Variants in HMCN1 observed in about 807,000 individuals in gnomAD.
The protein encoded by HMCN1 is hemicentin-1.
In HMCN1, 321 loss-of-function variants were observed where a neutral mutation model predicts 625.9. The observed-to-expected ratio is 0.51, with a 90% confidence interval of 0.47 to 0.56. The LOEUF is 0.56. HMCN1 is among the 20% of genes least tolerant of loss of function. HMCN1 has a pLI of 0.00. For synonymous variants in HMCN1, 2,425 were observed against 2,417.6 expected (o/e 1.00, Z -0.09); for missense variants, 6,588 against 6,887.3 (o/e 0.96, Z 1.54).
At chr1:185,850,131 A>G (rs1662076353) in intron 2 of HMCN1, among the ~76,000 whole-genome samples, 1 of 152,210 alleles carries the variant, frequency 6.6e-6, no homozygotes, top group African/African-American at 2.4e-5. Context: ...CTGGAAGATA[A>G]ACCAGTGTCT....
chr1:186,042,449 T>C (rs889225385), intron 40 of HMCN1, among the ~76,000 whole-genome samples: 8 of 152,150 alleles, frequency 5.3e-5, no homozygotes, highest in African/African-American at 1.7e-4. Flanking sequence ...AAATCTGAGA[T>C]GGACTCCTTA....
At chr1:186,171,243 C>A in intron 100 of HMCN1, 94 bp from the exon 101 acceptor site, 2 of 899,258 alleles carry the variant, frequency 2.2e-6, no homozygotes, top group Non-Finnish European at 1.8e-6. Flanking sequence ...AGATCTTAAA[C>A]ATGGTAATGA....
At chr1:186,108,403 T>C in intron 70 of HMCN1, 58 bp from the exon 71 acceptor site, 1 of 1,612,920 alleles carries the variant, frequency 6.2e-7, no homozygotes, top group South Asian at 1.1e-5. Context: ...AGAACCAACA[T>C]TTTTTGGATA....
rs765122544 is a variant in HMCN1 at position 186,017,083 on chromosome 1, G to A, written c.5300+12G>A. ...CCACCAACTATCATGTAAGGGTTTT[G>A]GTATGTCTTCTAAATACCTCCTGCT... On this transcript the variant is annotated intron_variant, in intron 33 of 106. Transcript: ENST00000271588. 1.4e-6 allele frequency: 2 copies of A among 1,424,680 alleles called. No homozygotes were observed. Among genetic ancestry groups the A allele is most frequent in the Non-Finnish European group, 2.0e-6 (2 of 1,007,680 alleles). 88.3% of individuals were successfully genotyped at this position (1,424,680 alleles called of 1,614,324 possible).
At chr1:185,994,407 C>T (rs1407447171) in intron 23 of HMCN1, among the ~76,000 whole-genome samples, 1 of 152,134 alleles carries the variant, frequency 6.6e-6, no homozygotes, top group Non-Finnish European at 1.5e-5. Context: ...AAACTGAGTA[C>T]ATGGAGAGAA....
chr1:186,152,624 ATCATCTATACTTAT>A, intron 95 of HMCN1, 112 bp from the exon 96 acceptor site: 2 of 1,110,198 alleles, frequency 1.8e-6, no homozygotes, highest in Non-Finnish European at 2.7e-6. Flanking sequence ...TTCAGTTCTC[ATCATCTATACTTAT>A]TCAAGTTTGA....
Position 186,117,052 on chromosome 1 carries a change from T to C in HMCN1, c.11620T>C (p.Tyr3874His). The C allele has an allele frequency of 6.2e-7, 1 of 1,613,540 alleles. No individual in the cohort carries two copies. The highest frequency in any genetic ancestry group is 1.1e-5 in the South Asian group (1 of 91,076). ...CCCTTCTGTGGATGACACTGCAACCTATGAATGTACTGTGACAAACGGTGC... is the reference window on the plus strand; with the variant it reads ...CCCTTCTGTGGATGACACTGCAACCCATGAATGTACTGTGACAAACGGTGC... ...ISPSVDDTATYECTVTNGAGD... is the reference protein window; with the variant it reads ...ISPSVDDTATHECTVTNGAGD... The change falls in exon 76 of 107, where the codon TAT becomes CAT. Residue 3874 changes from tyrosine (Y) to histidine (H), a missense_variant. Transcript: ENST00000271588.
intron 30 of HMCN1, among the ~76,000 whole-genome samples, chr1:186,009,062 C>T (rs1407313553): frequency 6.6e-6 from 1 of 152,180 alleles, no homozygotes; most frequent in Admixed American, 6.5e-5. Flanking sequence ...ACTATACAAG[C>T]ATCCAAGTTA....
chr1:186,140,292 T>A (rs1649873250), intron 89 of HMCN1, among the ~76,000 whole-genome samples: 1 of 152,166 alleles, frequency 6.6e-6, no homozygotes, highest in South Asian at 2.1e-4. Context: ...GTCCCTTTGG[T>A]CTCTTTTAAT....
chr1:186,182,062 CAAG>C lies in HMCN1; in HGVS notation c.16295-102_16295-100del, dbSNP rs1274707859. 12 of 1,266,898 alleles carry C rather than the reference CAAG, an allele frequency of 9.5e-6. No individual in the cohort carries two copies. The African/African-American group carries it at 1.0e-4, about 11-fold the overall frequency. The allele number at this position is 1,266,898 out of a possible 1,614,324, so 78.5% of individuals were successfully genotyped here. A position where few individuals can be genotyped will look rare whatever the true frequency, so the allele number is the denominator to read the frequency against. On this transcript the variant is annotated intron_variant, in intron 104 of 106. Coordinates refer to ENST00000271588, the MANE Select transcript of HMCN1 (RefSeq NM_031935.3). ...TTTTAACACATGAGTATAAAATCACCAAGAAGTTTTTCTAATGTATATCAACAA... is the reference window on the plus strand; with the variant it reads ...TTTTAACACATGAGTATAAAATCACCAAGTTTTTCTAATGTATATCAACAA...
At chr1:185,914,236 C>T (rs1011678924) in intron 6 of HMCN1, among the ~76,000 whole-genome samples, 1 of 152,034 alleles carries the variant, frequency 6.6e-6, no homozygotes, top group Non-Finnish European at 1.5e-5. Flanking sequence ...TAAAATATTG[C>T]TGTTGACTTT....
chr1:185,785,646 G>A (rs1415778853), intron 1 of HMCN1, among the ~76,000 whole-genome samples: 1 of 152,030 alleles, frequency 6.6e-6, no homozygotes, highest in African/African-American at 2.4e-5. Context: ...ATCAAATTTG[G>A]CTTCGTTCTG....
chr1:185,973,963 A>G (rs1057452014), intron 15 of HMCN1, among the ~76,000 whole-genome samples: 3 of 152,188 alleles, frequency 2.0e-5, no homozygotes, highest in Non-Finnish European at 2.9e-5. Context: ...GAGTCACCAC[A>G]TGGAGTATAT....
chr1:185,912,677 C>T (rs553977957), intron 6 of HMCN1, among the ~76,000 whole-genome samples: 1 of 152,018 alleles, frequency 6.6e-6, no homozygotes, highest in Admixed American at 6.6e-5. Context: ...GAATTAACAC[C>T]CCTCGGGAGC....
At chr1:186,114,358 T>C (rs1434224902) in intron 73 of HMCN1, among the ~76,000 whole-genome samples, 1 of 152,016 alleles carries the variant, frequency 6.6e-6, no homozygotes, top group Non-Finnish European at 1.5e-5. Flanking sequence ...CTGGGTTCAA[T>C]TGATTCTCCT....
intron 11 of HMCN1, among the ~76,000 whole-genome samples, chr1:185,946,576 A>G (rs1283289458): frequency 3.9e-5 from 6 of 152,230 alleles, no homozygotes; most frequent in African/African-American, 7.2e-5. Flanking sequence ...CAGATGCAGT[A>G]AAGAAAAGGC....
chr1:185,842,667 G>T (rs574963577), intron 1 of HMCN1, among the ~76,000 whole-genome samples: 3 of 152,028 alleles, frequency 2.0e-5, no homozygotes, highest in Admixed American at 6.6e-5. Flanking sequence ...GGAGGTCAAG[G>T]CCGCAGTAAG....
intron 19 of HMCN1, among the ~76,000 whole-genome samples, chr1:185,985,613 AT>A (rs1489638214): frequency 1.3e-5 from 2 of 152,214 alleles, no homozygotes; most frequent in Non-Finnish European, 2.9e-5. Flanking sequence ...CACAAAATTC[AT>A]TTGTCCATTT....
chr1:186,092,217 G>C (rs940285519), intron 64 of HMCN1, among the ~76,000 whole-genome samples: 2 of 151,596 alleles, frequency 1.3e-5, no homozygotes, highest in African/African-American at 4.8e-5. Flanking sequence ...TTTGTAGGTA[G>C]TACAGTTTGT....
Sources: allele counts gnomAD v4.1 joint callset (sites outside exome capture counted in the v4.1 genomes callset), GRCh38; gene constraint gnomAD v4.1.1; transcripts MANE v1.5; gene names NCBI Gene and HGNC (gene_info 2026-07-23, HGNC 2026-07-21).